The following MYOF variants were observed in gnomAD, a reference collection of about 807,000 sequenced individuals.
MYOF encodes fer-1-like 3, myoferlin.
A neutral mutation model predicts 284.2 loss-of-function variants in MYOF; 244 were observed. That is an observed-to-expected ratio of 0.86 (90% CI 0.77 to 0.95). MYOF has a LOEUF of 0.95. MYOF is among the 40% of genes least tolerant of loss of function. MYOF has a pLI of 0.00. For synonymous variants in MYOF, 904 were observed against 919.7 expected, an observed-to-expected ratio of 0.98 and a Z score of 0.31; for missense variants, 2,496 against 2,560.6, an observed-to-expected ratio of 0.97 and a Z score of 0.54.
At position 93,310,079 on chromosome 10, in the gene MYOF, C is replaced by G; in HGVS notation, c.6088G>C (p.Gly2030Arg). The G allele has an allele frequency of 6.2e-7, 1 of 1,614,038 alleles. No homozygotes were observed. The highest frequency in any genetic ancestry group is 8.5e-7 in the Non-Finnish European group (1 of 1,180,006). The change falls in exon 53 of 54, where the codon GGC (glycine) becomes CGC (arginine). Residue 2030 changes from glycine (G) to arginine (R), a missense_variant. By Grantham distance (125) the Gly-to-Arg change is moderately radical. This residue lies in a region of MYOF where 2,436 missense variants were observed against 2,480.7 expected (regional missense o/e 0.98). Coordinates refer to ENST00000359263, the MANE Select transcript of MYOF (RefSeq NM_013451.4). ...AGCAGGATAAGCAGGAACAGCAAGC[C>G]GATGATGACCCACTTAAAGCGGCGC... The part of the protein sequence containing the change: ...VWRRFKWVII[G>R]LLFLLILLLF...
At chr10:93,443,470 CTCTGTGTGTG>C (rs2056335952) in intron 3 of MYOF, among the ~76,000 whole-genome samples, 1 of 117,916 alleles carries the variant, frequency 8.5e-6, no homozygotes, top group African/African-American at 2.8e-5. Context: ...CTCTCTCTCT[CTCTGTGTGTG>C]TGTGTGTGTG....
At chr10:93,394,386 G>T (rs1041211589) in intron 16 of MYOF, among the ~76,000 whole-genome samples, 4 of 147,720 alleles carry the variant, frequency 2.7e-5, no homozygotes, top group African/African-American at 9.9e-5. Context: ...ACAGGCATGA[G>T]CCACTGCGCC....
rs750862119 is a variant in MYOF, at chr10:93,325,946, G to C, written c.5151C>G (p.His1717Gln). 3 of 1,614,104 alleles carry C rather than the reference G, an allele frequency of 1.9e-6. No individual in the cohort carries two copies. In the Admixed American group the frequency reaches 5.0e-5, roughly 27 times the overall value. Residue 1717 changes from histidine to glutamine, a missense_variant, in exon 46 of 54, where the codon CAC becomes CAG. By Grantham distance (24) the His-to-Gln change is conservative. Coordinates refer to ENST00000359263, the MANE Select transcript of MYOF (RefSeq NM_013451.4). Reference protein sequence around the residue: ...LDEFEANKILHQHLGAPEERL... With the variant: ...LDEFEANKILQQHLGAPEERL... ...GCTCTTCAGGGGCCCCGAGGTGCTG[G>C]TGCAGGATTTTGTTGGCTTCTGCAA...
chr10:93,480,933 G>A (rs570090857), intron 1 of MYOF, among the ~76,000 whole-genome samples: 4 of 152,246 alleles, frequency 2.6e-5, no homozygotes, highest in South Asian at 4.2e-4. Context: ...TGGAAGAAAC[G>A]AGAAATGTAG....
chr10:93,397,366 C>T (rs746607917), intron 14 of MYOF, 22 bp downstream of exon 14: 38 of 1,602,536 alleles, frequency 2.4e-5, no homozygotes, highest in Non-Finnish European at 3.0e-5. Flanking sequence ...CTTACTTTTT[C>T]AGAAAGAAAA....
rs762607276 is a variant in MYOF, at chr10:93,392,995, C to T, written c.1418-40G>A. On this transcript the variant is annotated intron_variant, in intron 16 of 53. Coordinates refer to ENST00000359263, the MANE Select transcript of MYOF (RefSeq NM_013451.4). ...TATGACTGGTTAAACAAGAAGAACA[C>T]GGGCATTATAAAACAGACATTGAAA... 1.8e-5 allele frequency: 28 copies of T among 1,537,178 alleles called. No homozygotes were observed. The East Asian group carries it at 3.4e-4, about 19-fold the overall frequency.
intron 26 of MYOF, among the ~76,000 whole-genome samples, chr10:93,365,969 A>C (rs1279035560): frequency 2.6e-5 from 4 of 152,210 alleles, no homozygotes; most frequent in Non-Finnish European, 5.9e-5. Flanking sequence ...ATACTCTGGC[A>C]TTGCTATTGC....
In MYOF at chr10:93,361,511, C is replaced by T. The variant is rs572713143; in HGVS notation, c.2915G>A (p.Gly972Asp). The T allele has an allele frequency of 3.1e-6, 5 of 1,614,096 alleles. No individual in the cohort carries two copies. The highest frequency in any genetic ancestry group is 1.3e-5 in the African/African-American group (1 of 74,938). ...CCATGCATCATCTTCCCATTCCCAA[C>T]CTGGAGGACAAGTCAACTCGCTGGG... ...ASPSELTCPP[G>D]WEWEDDAWSY... Residue 972 changes from glycine (G) to aspartate (D), a missense_variant, in exon 28 of 54, where the codon GGT (glycine) becomes GAT (aspartate). Gly to Asp is a moderately conservative substitution (Grantham distance 94). This residue lies in a region of MYOF where 2,436 missense variants were observed against 2,480.7 expected (regional missense o/e 0.98). Transcript: ENST00000359263.
At chr10:93,432,651 A>C (rs1000387286) in intron 3 of MYOF, among the ~76,000 whole-genome samples, 1 of 152,160 alleles carries the variant, frequency 6.6e-6, no homozygotes, top group South Asian at 2.1e-4. Flanking sequence ...TCAAACGTTC[A>C]GTGTGTGTAC....
At chr10:93,324,879 A>G (rs2133776968) in intron 46 of MYOF, among the ~76,000 whole-genome samples, 1 of 152,120 alleles carries the variant, frequency 6.6e-6, no homozygotes, top group East Asian at 1.9e-4. Flanking sequence ...TCCCTGGTTC[A>G]AGTGATTCTC....
intron 39 of MYOF, among the ~76,000 whole-genome samples, chr10:93,339,162 G>A (rs1843760084): frequency 6.6e-6 from 1 of 151,774 alleles, no homozygotes; most frequent in Non-Finnish European, 1.5e-5. Flanking sequence ...ACAGGCATGT[G>A]CCACCATACG....
rs370094490 is a variant in MYOF, at chr10:93,374,814, T to C, written c.2250A>G (p.Thr750=). 156 of 1,614,086 alleles carry C rather than the reference T, an allele frequency of 9.7e-5. 2 individuals are homozygous for C. In the African/African-American group the frequency reaches 1.7e-3, roughly 18 times the overall value. ...CAAGCCAGTCCTCAATTTCTGCCAG[T>C]GTGGACTTCACATCTGTGGCTTCCG... ...MRSEATDVKS[T]LAEIEDWLDK... The change falls in exon 23 of 54, where the codon ACA becomes ACG. Residue 750 remains threonine (T), a synonymous_variant. Transcript: ENST00000359263.
chr10:93,449,632 C>A (rs2056534779), intron 3 of MYOF, among the ~76,000 whole-genome samples: 1 of 152,004 alleles, frequency 6.6e-6, no homozygotes, highest in Admixed American at 6.6e-5. Flanking sequence ...AGAGTGGGAC[C>A]AGAACCTGCT....
chr10:93,389,091 T>A lies in MYOF; in HGVS notation c.1520A>T (p.Tyr507Phe). The A allele has an allele frequency of 6.2e-7, 1 of 1,614,186 alleles. No individual in the cohort carries two copies. Among genetic ancestry groups the A allele is most frequent in the Non-Finnish European group, 8.5e-7 (1 of 1,180,016 alleles). The change falls in exon 18 of 54, where the codon TAT becomes TTT. Residue 507 changes from tyrosine to phenylalanine, a missense_variant. This residue lies in a region of MYOF where 2,436 missense variants were observed against 2,480.7 expected (regional missense o/e 0.98). Coordinates refer to ENST00000359263, the MANE Select transcript of MYOF (RefSeq NM_013451.4). ...TCCCGTGTACTCTCTGGGGCTTCCATAAAGATTCAGGTAACAAGGTCCAAA... is the reference window on the plus strand; with the variant it reads ...TCCCGTGTACTCTCTGGGGCTTCCAAAAAGATTCAGGTAACAAGGTCCAAA... The part of the protein sequence containing the change: ...PTFGPCYLNL[Y>F]GSPREYTGFP...
At chr10:93,371,018 C>CAT (rs1845564165) in intron 24 of MYOF, among the ~76,000 whole-genome samples, 1 of 151,986 alleles carries the variant, frequency 6.6e-6, no homozygotes, top group Non-Finnish European at 1.5e-5. Context: ...CTTCCCAACA[C>CAT]ATAGACTTTC....
chr10:93,379,819 C>T, intron 21 of MYOF, 44 bp downstream of exon 21: 4 of 1,609,252 alleles, frequency 2.5e-6, no homozygotes, highest in Non-Finnish European at 3.4e-6. Flanking sequence ...ATACCTAATT[C>T]ACCCTGCTTG....
At chr10:93,462,467 G>C (rs1297481094) in intron 1 of MYOF, among the ~76,000 whole-genome samples, 1 of 152,124 alleles carries the variant, frequency 6.6e-6, no homozygotes, top group East Asian at 1.9e-4. Flanking sequence ...GAAGCAAAGA[G>C]AGCCCAGAAT....
intron 51 of MYOF, among the ~76,000 whole-genome samples, chr10:93,312,339 C>CT (rs1331125166): frequency 3.4e-5 from 2 of 59,592 alleles, no homozygotes; most frequent in Non-Finnish European, 7.9e-5. Flanking sequence ...TTCCACCTCT[C>CT]TTTTTTTTCT....
At chr10:93,321,877 C>A (rs1025387063) in intron 48 of MYOF, among the ~76,000 whole-genome samples, 1 of 152,008 alleles carries the variant, frequency 6.6e-6, no homozygotes, top group Non-Finnish European at 1.5e-5. Context: ...CACGATTCAT[C>A]TTTTCACATG....
Sources: allele counts gnomAD v4.1 joint callset (sites outside exome capture counted in the v4.1 genomes callset), GRCh38; gene constraint gnomAD v4.1.1; regional missense constraint gnomAD v4.1.1; transcripts MANE v1.5; gene names NCBI Gene and HGNC (gene_info 2026-07-23, HGNC 2026-07-21).